DPF3: variants seen among roughly 807,000 people sequenced by gnomAD.
DPF3 encodes the protein double PHD fingers 3, also known as zinc finger protein DPF3.
DPF3 carries 18 observed loss-of-function variants against 56.8 expected under a neutral mutation model. The ratio of observed to expected loss-of-function variants is 0.32; its 90% confidence interval spans 0.22 to 0.47. DPF3 has a LOEUF of 0.47. DPF3 is among the 20% of genes least tolerant of loss of function. The probability of loss-of-function intolerance (pLI) is 1.00; values close to 1 mark genes in which losing one functional copy is unlikely to be tolerated. For synonymous variants in DPF3, 188 were observed against 180.2 expected, an observed-to-expected ratio of 1.04 and a Z score of -0.35; for missense variants, 403 against 488.8, an observed-to-expected ratio of 0.82 and a Z score of 1.65.
At chr14:72,866,390 G>A (rs537815508) in intron 1 of DPF3, among the ~76,000 whole-genome samples, 37 of 150,708 alleles carry the variant, frequency 2.5e-4, no homozygotes, top group South Asian at 1.0e-3. Flanking sequence ...CAGGTCCTTC[G>A]TGACCTGTCC....
intron 1 of DPF3, among the ~76,000 whole-genome samples, chr14:72,858,150 T>C (rs1885241643): frequency 6.6e-6 from 1 of 151,676 alleles, no homozygotes; most frequent in African/African-American, 2.4e-5. Flanking sequence ...ACCAAAAATA[T>C]GAAACAAATT....
chr14:72,722,702 C>T (rs4343211), intron 5 of DPF3, among the ~76,000 whole-genome samples: 2,293 of 152,318 alleles, frequency 0.015, 52 homozygotes, highest in African/African-American at 0.053. Context: ...TGGACAGCAG[C>T]AGTTTACTTC....
At chr14:72,868,722 A>G (rs61988466) in intron 1 of DPF3, among the ~76,000 whole-genome samples, 33,661 of 152,100 alleles carry the variant, frequency 0.22, 4,225 homozygotes, top group African/African-American at 0.35. Context: ...CATCAGAATG[A>G]CAGGAAGGAG....
intron 4 of DPF3, among the ~76,000 whole-genome samples, chr14:72,726,565 C>T (rs185550635): frequency 6.6e-6 from 1 of 152,290 alleles, no homozygotes; most frequent in South Asian, 2.1e-4. Flanking sequence ...TCCTGCGATG[C>T]GGCCCTGACA....
rs371867122 is a variant in DPF3, at chr14:72,740,075, G to A, written c.302-8141C>T. 1.3e-4 allele frequency among the ~76,000 whole-genome samples: 20 copies of A among 152,036 alleles called. 1 individual carries two copies. The East Asian group carries it at 2.9e-3, about 22-fold the overall frequency. On this transcript the variant is annotated intron_variant, in intron 3 of 10. Coordinates refer to ENST00000556509, the MANE Select transcript of DPF3 (RefSeq NM_001280542.3). ...GCAAGCCTGAAGGAAGAGAGGGAGG[G>A]GGCTACGCTGACATCCAGGCAAAGA...
intron 3 of DPF3, among the ~76,000 whole-genome samples, chr14:72,748,522 A>G (rs1300271110): frequency 6.6e-6 from 1 of 152,228 alleles, no homozygotes; most frequent in Non-Finnish European, 1.5e-5. Context: ...GGCTACAGAA[A>G]TTTGCATAAG....
chr14:72,751,513 G>T (rs536826494), intron 3 of DPF3, among the ~76,000 whole-genome samples: 3 of 152,200 alleles, frequency 2.0e-5, no homozygotes, highest in Non-Finnish European at 4.4e-5. Context: ...GGCCAGGACC[G>T]CACTTTGAAT....
intron 7 of DPF3, among the ~76,000 whole-genome samples, chr14:72,686,899 G>A (rs1887435730): frequency 6.6e-6 from 1 of 152,158 alleles, no homozygotes; most frequent in Non-Finnish European, 1.5e-5. Flanking sequence ...TGTTTCAAAG[G>A]TAATTTTCAC....
chr14:72,878,346 T>A (rs1387743595), intron 1 of DPF3, among the ~76,000 whole-genome samples: 1 of 152,200 alleles, frequency 6.6e-6, no homozygotes, highest in Non-Finnish European at 1.5e-5. Flanking sequence ...GAAGGATGAA[T>A]GAAGTGATCT....
At chr14:72,671,979 A>G (rs1886695055) in intron 8 of DPF3, among the ~76,000 whole-genome samples, 1 of 152,076 alleles carries the variant, frequency 6.6e-6, no homozygotes, top group Admixed American at 6.6e-5. Flanking sequence ...CTTTAACCAC[A>G]GGAGGAAATT....
At chr14:72,790,383 C>T (rs1339940863) in intron 1 of DPF3, among the ~76,000 whole-genome samples, 1 of 152,164 alleles carries the variant, frequency 6.6e-6, no homozygotes, top group Non-Finnish European at 1.5e-5. Flanking sequence ...ATAGTAGGCA[C>T]TATATAAATA....
chr14:72,767,516 T>G (rs1348760569), intron 2 of DPF3, among the ~76,000 whole-genome samples: 3 of 151,970 alleles, frequency 2.0e-5, no homozygotes, highest in Non-Finnish European at 4.4e-5. Flanking sequence ...TGGATTGGCT[T>G]AACAGCAGAA....
Position 72,780,519 on chromosome 14 carries a change from G to C in DPF3, c.33-8626C>G, listed in dbSNP as rs941113153. On this transcript the variant is annotated intron_variant, in intron 1 of 10. Transcript: ENST00000556509. ...TGTCATCCTCAGCAAACTAATGAAAGCTTCACAGTTGAGAGGTGCTTGGAA... is the reference window on the plus strand; with the variant it reads ...TGTCATCCTCAGCAAACTAATGAAACCTTCACAGTTGAGAGGTGCTTGGAA... Among the ~76,000 whole-genome samples, 6 of 152,216 alleles carry C rather than the reference G, an allele frequency of 3.9e-5. No homozygotes were observed. The East Asian group carries it at 1.2e-3, about 29-fold the overall frequency.
In DPF3 at chr14:72,761,995, A is replaced by G. The variant is rs1891085911; in HGVS notation, c.194-8624T>C. ...ATCACATACTAACAAAGCTTACTCA[A>G]GATGAAATAGATAACCTAAATAGCC... On this transcript the variant is annotated intron_variant, in intron 2 of 10. Transcript: ENST00000556509. 2.0e-5 allele frequency among the ~76,000 whole-genome samples: 3 copies of G among 152,002 alleles called. No homozygotes were observed. In the South Asian group the frequency reaches 6.2e-4, roughly 31 times the overall value.
intron 7 of DPF3, among the ~76,000 whole-genome samples, chr14:72,682,218 A>G (rs1488713847): frequency 2.5e-5 from 3 of 120,558 alleles, no homozygotes; most frequent in Admixed American, 7.9e-5. Context: ...CTGTCTCAAG[A>G]AAAAAAAAAA....
intron 1 of DPF3, among the ~76,000 whole-genome samples, chr14:72,802,443 C>A (rs1020104363): frequency 2.6e-5 from 4 of 152,130 alleles, no homozygotes; most frequent in Non-Finnish European, 2.9e-5. Flanking sequence ...GGCTAATCTC[C>A]AAGGGCCTGC....
At chr14:72,623,500 G>T (rs1884594886) in intron 9 of DPF3, among the ~76,000 whole-genome samples, 1 of 152,142 alleles carries the variant, frequency 6.6e-6, no homozygotes, top group Non-Finnish European at 1.5e-5. Context: ...GTGTGTGTGT[G>T]TAATGTTCAG....
At chr14:72,846,662 G>A (rs1361964691) in intron 1 of DPF3, among the ~76,000 whole-genome samples, 6 of 151,266 alleles carry the variant, frequency 4.0e-5, no homozygotes, top group African/African-American at 9.7e-5. Flanking sequence ...TCCTGGCCTC[G>A]AGTAATCTGC....
chr14:72,721,564 A>C (rs1889175021), intron 5 of DPF3, among the ~76,000 whole-genome samples: 1 of 152,206 alleles, frequency 6.6e-6, no homozygotes. Flanking sequence ...TTAAGTAAAA[A>C]CTTGATGAGG....
Sources: allele counts gnomAD v4.1 joint callset (sites outside exome capture counted in the v4.1 genomes callset), GRCh38; gene constraint gnomAD v4.1.1; transcripts MANE v1.5; gene names NCBI Gene and HGNC (gene_info 2026-07-23, HGNC 2026-07-21).